TMEM236: variants seen among roughly 807,000 people sequenced by gnomAD.
TMEM236 encodes the protein transmembrane protein 236.
In TMEM236, 11 loss-of-function variants were observed where a neutral mutation model predicts 14.7. That is an observed-to-expected ratio of 0.75 (90% CI 0.47 to 1.24). TMEM236 has a LOEUF of 1.24. TMEM236 is among the 50% of genes most tolerant of loss of function. The pLI is 0.00. For synonymous variants in TMEM236, 182 were observed against 168.6 expected (o/e 1.08, Z -0.62); for missense variants, 464 against 427.3 (o/e 1.09, Z -0.76).
intron 3 of TMEM236, among the ~76,000 whole-genome samples, chr10:17,792,280 G>A (rs1020911797): frequency 2.0e-5 from 3 of 152,122 alleles, no homozygotes; most frequent in Non-Finnish European, 2.9e-5. Context: ...GTAGGGATGG[G>A]TTTCACCACG....
In TMEM236 at chr10:17,796,581, G is replaced by T. The variant is rs1001118789; in HGVS notation, c.*77G>T. 1 of 1,298,512 alleles carries T rather than the reference G, an allele frequency of 7.7e-7. No individual in the cohort carries two copies. The highest frequency in any genetic ancestry group is 1.1e-6 in the Non-Finnish European group (1 of 900,826). The allele number at this position is 1,298,512 out of a possible 1,614,324, so 80.4% of individuals were successfully genotyped here. On this transcript the variant is annotated 3_prime_UTR_variant, in exon 4 of 4. Transcript: ENST00000377495. ...GTAATCCTTCTTTTTTTCTTGGGGC[G>T]TAGGTGTTTGCACTATAAAGGAAAT...
intron 3 of TMEM236, among the ~76,000 whole-genome samples, chr10:17,790,820 C>T (rs1226246284): frequency 6.6e-6 from 1 of 152,156 alleles, no homozygotes; most frequent in Non-Finnish European, 1.5e-5. Context: ...CTAAGACTAG[C>T]CATATTTGTT....
At chr10:17,757,756 T>C (rs1249571447) in intron 1 of TMEM236, among the ~76,000 whole-genome samples, 4 of 152,024 alleles carry the variant, frequency 2.6e-5, no homozygotes, top group Non-Finnish European at 4.4e-5. Flanking sequence ...GCAATGCTTT[T>C]TTTGTTTATT....
At chr10:17,772,038 C>T (rs1837581636) in intron 2 of TMEM236, among the ~76,000 whole-genome samples, 1 of 152,252 alleles carries the variant, frequency 6.6e-6, no homozygotes, top group African/African-American at 2.4e-5. Context: ...ACTTAATTTA[C>T]CTTGTGATAT....
intron 1 of TMEM236, among the ~76,000 whole-genome samples, chr10:17,767,403 G>C (rs1837485456): frequency 6.6e-6 from 1 of 152,230 alleles, no homozygotes; most frequent in African/African-American, 2.4e-5. Flanking sequence ...AGAGGTTGCA[G>C]TGAGCTGAGA....
chr10:17,763,524 A>C (rs1167615902), intron 1 of TMEM236, among the ~76,000 whole-genome samples: 1 of 152,190 alleles, frequency 6.6e-6, no homozygotes, highest in Non-Finnish European at 1.5e-5. Context: ...CTGCCCCATC[A>C]GCCCACTACA....
At chr10:17,769,938 G>A (rs1837540437) in intron 1 of TMEM236, among the ~76,000 whole-genome samples, 1 of 152,154 alleles carries the variant, frequency 6.6e-6, no homozygotes, top group African/African-American at 2.4e-5. Context: ...CTGCCACCCA[G>A]TTAGTGAGAA....
intron 3 of TMEM236, among the ~76,000 whole-genome samples, chr10:17,785,195 C>T (rs1837814293): frequency 6.6e-6 from 1 of 152,176 alleles, no homozygotes; most frequent in South Asian, 2.1e-4. Flanking sequence ...AATCGGGGGC[C>T]ACTGGTTATC....
chr10:17,780,781 T>C (rs1212040440), intron 3 of TMEM236, among the ~76,000 whole-genome samples: 2 of 152,094 alleles, frequency 1.3e-5, no homozygotes, highest in Non-Finnish European at 2.9e-5. Context: ...AGCGGAGGTT[T>C]AATAGACAAA....
intron 2 of TMEM236, among the ~76,000 whole-genome samples, chr10:17,772,320 G>A (rs910590842): frequency 0.019 from 2,881 of 152,280 alleles, 97 homozygotes; most frequent in African/African-American, 0.065. Context: ...TTAGGACAAT[G>A]TATGAAGGCA....
At chr10:17,762,248 T>G (rs1837377360) in intron 1 of TMEM236, among the ~76,000 whole-genome samples, 1 of 152,146 alleles carries the variant, frequency 6.6e-6, no homozygotes, top group South Asian at 2.1e-4. Flanking sequence ...AAGTTTTCTC[T>G]TCTCCAATGG....
At position 17,776,304 on chromosome 10, in the gene TMEM236, G is replaced by A. The variant is rs922226318; in HGVS notation, c.472+134G>A. On this transcript the variant is annotated intron_variant, in intron 3 of 3. Coordinates refer to ENST00000377495, the MANE Select transcript of TMEM236 (RefSeq NM_001098844.3). ...ACATTACTGATAGAAGATTGCAAATGAAGATATCTAAACATAATTATTTTT... is the reference window on the plus strand; with the variant it reads ...ACATTACTGATAGAAGATTGCAAATAAAGATATCTAAACATAATTATTTTT... 1.7e-4 allele frequency: 151 copies of A among 869,550 alleles called. 1 individual carries two copies. In the African/African-American group the frequency reaches 2.4e-3, roughly 14 times the overall value. The allele number at this position is 869,550 out of a possible 1,614,324, so 53.9% of individuals were successfully genotyped here.
intron 3 of TMEM236, among the ~76,000 whole-genome samples, chr10:17,777,648 T>C (rs1234397814): frequency 1.2e-4 from 19 of 152,160 alleles, no homozygotes; most frequent in Admixed American, 1.2e-3. Flanking sequence ...ATAAATTTCC[T>C]GTCCAAGTTA....
chr10:17,774,270 C>G (rs1837623205), intron 2 of TMEM236, among the ~76,000 whole-genome samples: 2 of 152,246 alleles, frequency 1.3e-5, no homozygotes, highest in South Asian at 4.2e-4. Flanking sequence ...GTCTTGAACT[C>G]CTGACCTCAA....
At chr10:17,771,794 G>C (rs1837577327) in intron 2 of TMEM236, among the ~76,000 whole-genome samples, 1 of 152,160 alleles carries the variant, frequency 6.6e-6, no homozygotes. Context: ...ATAATAATTT[G>C]CATGTGTTAT....
intron 1 of TMEM236, among the ~76,000 whole-genome samples, chr10:17,765,249 T>C (rs925864941): frequency 5.3e-5 from 8 of 152,332 alleles, no homozygotes; most frequent in Middle Eastern, 3.4e-3. Context: ...TACTGGGGGC[T>C]GGGACTTACA....
At position 17,790,019 on chromosome 10, in the gene TMEM236, G is replaced by A. The variant is rs1040210732; in HGVS notation, c.473-5902G>A. Reference sequence around the variant, plus strand: ...AGCCTGGGCGACAGAGCGGGACTCCGTCTCAAAAAAAGAAAAGAATAAAAC... The same window carrying A: ...AGCCTGGGCGACAGAGCGGGACTCCATCTCAAAAAAAGAAAAGAATAAAAC... On this transcript the variant is annotated intron_variant, in intron 3 of 3. Coordinates refer to ENST00000377495, the MANE Select transcript of TMEM236 (RefSeq NM_001098844.3). Among the ~76,000 whole-genome samples the A allele has an allele frequency of 1.4e-4, 21 of 151,854 alleles. No homozygotes were observed. In the South Asian group the frequency reaches 1.5e-3, roughly 11 times the overall value.
intron 3 of TMEM236, among the ~76,000 whole-genome samples, chr10:17,781,035 G>T (rs1280986128): frequency 6.6e-6 from 1 of 152,170 alleles, no homozygotes; most frequent in Non-Finnish European, 1.5e-5. Flanking sequence ...CATGTTGCCT[G>T]CTCCTCACTG....
rs948144031 is a variant in TMEM236 at position 17,779,525 on chromosome 10, C to T, written c.472+3355C>T. On this transcript the variant is annotated intron_variant, in intron 3 of 3. Transcript: ENST00000377495. ...TGAGACAGAGTCTTGATCCTCCTGC[C>T]TCAGCCTCCCAAGTAGCTGGGAATA... is the stretch of plus-strand genomic sequence containing the variant. Among the ~76,000 whole-genome samples, 447 of 152,206 alleles carry T rather than the reference C, an allele frequency of 2.9e-3. 8 individuals are homozygous for T. In the East Asian group the frequency reaches 0.048, roughly 16 times the overall value.
Sources: gnomAD v4.1 joint callset for allele counts (sites outside exome capture counted in the v4.1 genomes callset) on GRCh38, gnomAD v4.1.1 for gene constraint, MANE v1.5 for transcripts, NCBI Gene and HGNC (gene_info 2026-07-23, HGNC 2026-07-21) for gene names.